The following CNNM2 variants were observed in gnomAD, a reference collection of about 807,000 sequenced individuals.
The protein encoded by CNNM2 is cyclin and CBS domain divalent metal cation transport mediator 2, also known as metal transporter CNNM2.
CNNM2 carries 12 observed loss-of-function variants against 66.9 expected under a neutral mutation model. The ratio of observed to expected loss-of-function variants is 0.18; its 90% CI spans 0.11 to 0.29. The LOEUF (loss-of-function observed/expected upper bound fraction) is 0.29, where lower values mean the gene tolerates loss of function less well. Ranked by LOEUF, CNNM2 falls within the 10% of genes least tolerant of loss-of-function variation. The pLI, the probability that CNNM2 is intolerant of heterozygous loss-of-function variation, is 1.00. For synonymous variants in CNNM2, 557 were observed against 501.8 expected, an observed-to-expected ratio of 1.11 and a Z score of -1.47; for missense variants, 705 against 1,167.7, an observed-to-expected ratio of 0.60 and a Z score of 5.77.
chr10:103,071,114 T>A (rs2065572770), intron 5 of CNNM2, among the ~76,000 whole-genome samples: 1 of 152,190 alleles, frequency 6.6e-6, no homozygotes, highest in Non-Finnish European at 1.5e-5. Flanking sequence ...AAACCGACAA[T>A]AATCAGTTCT....
At chr10:103,027,950 G>T (rs565711222) in intron 1 of CNNM2, among the ~76,000 whole-genome samples, 3 of 150,654 alleles carry the variant, frequency 2.0e-5, no homozygotes, top group Non-Finnish European at 4.4e-5. Context: ...AGTCACACAG[G>T]TAGTATGTAA....
In CNNM2 at chr10:103,088,986, T is replaced by G; in HGVS notation, c.*11806T>G. 1 of 209,524 alleles carries G rather than the reference T, an allele frequency of 4.8e-6. No individual in the cohort carries two copies. The highest frequency in any genetic ancestry group is 7.3e-5 in the East Asian group (1 of 13,756). 13.0% of individuals were successfully genotyped at this position (209,524 alleles called of 1,614,324 possible). ...GATTTATCACAGATAAGAAGGAGGT[T>G]GTTTTTGGATAACAAATAAGCATTT... On this transcript the variant is annotated 3_prime_UTR_variant, in exon 8 of 8. Coordinates refer to ENST00000369878, the MANE Select transcript of CNNM2 (RefSeq NM_017649.5).
intron 1 of CNNM2, among the ~76,000 whole-genome samples, chr10:102,967,330 A>G (rs1413173892): frequency 2.6e-5 from 4 of 152,156 alleles, no homozygotes; most frequent in African/African-American, 9.7e-5. Flanking sequence ...CATACAATCC[A>G]GTGATTTGTA....
intron 1 of CNNM2, among the ~76,000 whole-genome samples, chr10:102,995,426 C>A (rs538324773): frequency 1.3e-5 from 2 of 151,248 alleles, no homozygotes; most frequent in African/African-American, 2.4e-5. Context: ...TTGGCCAGGC[C>A]GGTTTTGAAC....
rs1006164003 is a variant in CNNM2, at chr10:103,078,166, A to C, written c.*986A>C. 1 of 152,270 alleles carries C rather than the reference A, an allele frequency of 6.6e-6. No homozygotes were observed. Among genetic ancestry groups the C allele is most frequent in the Non-Finnish European group, 1.5e-5 (1 of 68,096 alleles). The allele number at this position is 152,270 out of a possible 1,614,324, so 9.4% of individuals were successfully genotyped here. ...CAGTAAACACGTGATGTGGAGTGCAAGCTCCTCCCCTTCCCACTAGAACAT... is the reference window on the plus strand; with the variant it reads ...CAGTAAACACGTGATGTGGAGTGCACGCTCCTCCCCTTCCCACTAGAACAT... On this transcript the variant is annotated 3_prime_UTR_variant, in exon 8 of 8. Coordinates refer to ENST00000369878, the MANE Select transcript of CNNM2 (RefSeq NM_017649.5).
chr10:102,949,038 C>T (rs905558345), intron 1 of CNNM2, among the ~76,000 whole-genome samples: 2 of 152,152 alleles, frequency 1.3e-5, no homozygotes, highest in Non-Finnish European at 2.9e-5. Context: ...TAGGAGAGAA[C>T]CTTGAGTTTG....
At chr10:103,012,674 T>G (rs1432031621) in intron 1 of CNNM2, among the ~76,000 whole-genome samples, 2 of 150,988 alleles carry the variant, frequency 1.3e-5, no homozygotes, top group African/African-American at 4.9e-5. Flanking sequence ...AGACAAATTC[T>G]TATTGCCTAT....
At chr10:103,007,020 G>C (rs1042629724) in intron 1 of CNNM2, among the ~76,000 whole-genome samples, 9 of 151,964 alleles carry the variant, frequency 5.9e-5, no homozygotes, top group African/African-American at 2.2e-4. Flanking sequence ...TTTCAACGTA[G>C]GTTCTTTCTA....
At chr10:103,026,389 C>T (rs1025694448) in intron 1 of CNNM2, among the ~76,000 whole-genome samples, 1 of 152,088 alleles carries the variant, frequency 6.6e-6, no homozygotes, top group East Asian at 1.9e-4. Flanking sequence ...CGCTTGAGCT[C>T]AGGAGTTTGA....
chr10:103,030,871 G>C (rs1193572708), intron 1 of CNNM2, among the ~76,000 whole-genome samples: 1 of 152,180 alleles, frequency 6.6e-6, no homozygotes, highest in South Asian at 2.1e-4. Flanking sequence ...TTAGTATAAG[G>C]ATTAGAAGCA....
In CNNM2 at chr10:103,083,327, ATTGT is replaced by A. The variant is rs773216241; in HGVS notation, c.*6150_*6153del. On this transcript the variant is annotated 3_prime_UTR_variant, in exon 8 of 8. Transcript: ENST00000369878. The stretch of plus-strand genomic sequence containing the variant: ...TACCAATTTATTTGTAAATTTTGTG[ATTGT>A]TTTACAAGGTTTTTGTTTATTTCTA... The A allele has an allele frequency of 6.6e-6, 1 of 152,184 alleles. No homozygotes were observed. The highest frequency in any genetic ancestry group is 1.5e-5 in the Non-Finnish European group (1 of 68,002). 9.4% of individuals were successfully genotyped at this position (152,184 alleles called of 1,614,324 possible).
chr10:103,007,934 A>G (rs200690476), intron 1 of CNNM2, among the ~76,000 whole-genome samples: 1 of 152,194 alleles, frequency 6.6e-6, no homozygotes, highest in African/African-American at 2.4e-5. Flanking sequence ...ATTAAAATGA[A>G]ATCTTCACAA....
In CNNM2 at chr10:103,077,225, G is replaced by A. The variant is rs754216066; in HGVS notation, c.*45G>A. The A allele has an allele frequency of 7.7e-6, 12 of 1,566,714 alleles. No homozygotes were observed. The highest frequency in any genetic ancestry group is 2.2e-5 in the South Asian group (2 of 89,508). On this transcript the variant is annotated 3_prime_UTR_variant, in exon 8 of 8. Transcript: ENST00000369878. The stretch of plus-strand genomic sequence containing the variant: ...CCCAGGCCCGCACCCGCCCAGTCCC[G>A]AGGGCCCGGCCCTGTCTGCCCATGA...
rs1178093103 is a variant in CNNM2, at chr10:103,023,702, C to T, written c.1622-26005C>T. On this transcript the variant is annotated intron_variant, in intron 1 of 7. Transcript: ENST00000369878. Reference sequence around the variant, plus strand: ...ATTTCAACAAGAGATTTGGAGGGGACACACATCCAGACCATGTGATTTCCA... The same window carrying T: ...ATTTCAACAAGAGATTTGGAGGGGATACACATCCAGACCATGTGATTTCCA... Among the ~76,000 whole-genome samples the T allele has an allele frequency of 2.0e-5, 3 of 152,274 alleles. No individual in the cohort carries two copies. The East Asian group carries it at 5.8e-4, about 29-fold the overall frequency.
intron 1 of CNNM2, among the ~76,000 whole-genome samples, chr10:103,011,009 T>A (rs1349837948): frequency 2.0e-5 from 3 of 152,204 alleles, no homozygotes; most frequent in Non-Finnish European, 4.4e-5. Flanking sequence ...AAAATTTCAT[T>A]TTGAAAAAAG....
chr10:102,919,644 C>T lies in CNNM2; in HGVS notation c.1164C>T (p.Pro388=). Residue 388 remains proline, a synonymous_variant, in exon 1 of 8, where the codon CCC becomes CCT. Transcript: ENST00000369878. ...AGTTTTTCATGATGATGACCTTCCC[C>T]GCTTCCTACCCGGTCAGCAAGCTGC... The part of the protein sequence containing the change: ...LTKFFMMMTF[P]ASYPVSKLLD... 6.8e-6 allele frequency: 11 copies of T among 1,614,134 alleles called. No individual in the cohort carries two copies. The highest frequency in any genetic ancestry group is 9.3e-6 in the Non-Finnish European group (11 of 1,180,038).
chr10:102,954,230 C>T (rs1846952117), intron 1 of CNNM2, among the ~76,000 whole-genome samples: 1 of 150,610 alleles, frequency 6.6e-6, no homozygotes, highest in South Asian at 2.1e-4. Flanking sequence ...TGGGCTCAAG[C>T]AATCCTCCTG....
chr10:103,058,143 A>C (rs1224734490), intron 4 of CNNM2, among the ~76,000 whole-genome samples: 1 of 152,218 alleles, frequency 6.6e-6, no homozygotes, highest in East Asian at 1.9e-4. Context: ...ACATTCTTAC[A>C]GTCCTTCTTA....
intron 4 of CNNM2, 77 bp downstream of exon 4, chr10:103,057,041 AC>A: frequency 6.9e-7 from 1 of 1,442,330 alleles, no homozygotes. Flanking sequence ...AATGGGTGTC[AC>A]CGTGTACATA....
Sources: gnomAD v4.1 joint callset for allele counts (sites outside exome capture counted in the v4.1 genomes callset) on GRCh38, gnomAD v4.1.1 for gene constraint, MANE v1.5 for transcripts, NCBI Gene and HGNC (gene_info 2026-07-23, HGNC 2026-07-21) for gene names.